The following SPMIP6 variants were observed in gnomAD, a reference collection of about 807,000 sequenced individuals.
SPMIP6 encodes the protein ciliated bronchial epithelial protein 1.
chr9:34,396,841 G>C, the SPMIP6 span, among the ~76,000 whole-genome samples: 9 of 152,250 alleles, frequency 5.9e-5, no homozygotes, highest in South Asian at 1.9e-3. Context: ...GGCAAGGGCT[G>C]GCCCTTCCCT....
the SPMIP6 span, chr9:34,379,532 C>G: frequency 5.4e-6 from 5 of 925,332 alleles, no homozygotes; most frequent in Non-Finnish European, 8.8e-6. The surrounding 1 kb of genome is among the most constrained non-coding windows in gnomAD (Gnocchi z 4.2). Flanking sequence ...TGGTATGTGC[C>G]TGTCAGTGCA....
At chr9:34,379,723 A>G in the SPMIP6 span, 2 of 1,613,882 alleles carry the variant, frequency 1.2e-6, no homozygotes, top group Non-Finnish European at 1.7e-6. The surrounding 1 kb of genome is among the most constrained non-coding windows in gnomAD (Gnocchi z 4.2). Context: ...GCTCGTAGGG[A>G]GGTACACATC....
chr9:34,379,927 G>A, the SPMIP6 span, among the ~76,000 whole-genome samples: 2 of 152,042 alleles, frequency 1.3e-5, no homozygotes, highest in Admixed American at 1.3e-4. This position sits in a 1 kb window ranked among gnomAD's most constrained non-coding sequence, Gnocchi z 4.2. Context: ...CTCCCTCCCG[G>A]CAAGGCCTCA....
At chr9:34,386,325 G>T in the SPMIP6 span, among the ~76,000 whole-genome samples, 8 of 152,204 alleles carry the variant, frequency 5.3e-5, no homozygotes, top group Non-Finnish European at 8.8e-5. Flanking sequence ...GCTGGGCGTG[G>T]TGACTCACAC....
chr9:34,381,276 C>T, the SPMIP6 span: 4 of 1,598,606 alleles, frequency 2.5e-6, no homozygotes, highest in Non-Finnish European at 3.4e-6. This position sits in a 1 kb window ranked among gnomAD's most constrained non-coding sequence, Gnocchi z 4.4. Context: ...CCTCGGCCTC[C>T]TCCCCGTCCT....
chr9:34,394,394 A>T, the SPMIP6 span, among the ~76,000 whole-genome samples: 13 of 152,258 alleles, frequency 8.5e-5, no homozygotes. Flanking sequence ...TGACCTCATG[A>T]TCCACCCACC....
At chr9:34,394,261 T>C in the SPMIP6 span, among the ~76,000 whole-genome samples, 2 of 152,220 alleles carry the variant, frequency 1.3e-5, no homozygotes, top group African/African-American at 4.8e-5. Context: ...GTTCACACCA[T>C]TCTCCTGCCT....
the SPMIP6 span, chr9:34,397,531 A>C: frequency 6.2e-7 from 1 of 1,614,140 alleles, no homozygotes; most frequent in Non-Finnish European, 8.5e-7. Flanking sequence ...TCCCAGGCAC[A>C]CAGGGGTGGG....
the SPMIP6 span, among the ~76,000 whole-genome samples, chr9:34,386,747 G>A: frequency 6.6e-6 from 1 of 152,150 alleles, no homozygotes; most frequent in Non-Finnish European, 1.5e-5. Flanking sequence ...CAGGCCCTGG[G>A]CCCCTGTGCT....
At chr9:34,383,391 G>A in the SPMIP6 span, among the ~76,000 whole-genome samples, 5 of 152,188 alleles carry the variant, frequency 3.3e-5, no homozygotes, top group African/African-American at 1.2e-4. Flanking sequence ...GGCATGGTTG[G>A]TGTGCGCCTG....
At chr9:34,386,664 G>C in the SPMIP6 span, among the ~76,000 whole-genome samples, 1 of 151,764 alleles carries the variant, frequency 6.6e-6, no homozygotes, top group Non-Finnish European at 1.5e-5. Context: ...CCTGACACCA[G>C]TGTTGCCTTT....
the SPMIP6 span, chr9:34,381,562 G>T: frequency 6.5e-7 from 1 of 1,530,526 alleles, no homozygotes; most frequent in Non-Finnish European, 8.8e-7. This position sits in a 1 kb window ranked among gnomAD's most constrained non-coding sequence, Gnocchi z 4.4. Context: ...CCCTTCAGCA[G>T]CTCCCCACCT....
At chr9:34,382,953 G>A in the SPMIP6 span, 14 of 953,018 alleles carry the variant, frequency 1.5e-5, no homozygotes, top group Admixed American at 5.2e-5. Flanking sequence ...TTTCTCTTCC[G>A]ATTCCCAGCA....
chr9:34,380,540 G>A, the SPMIP6 span, among the ~76,000 whole-genome samples: 16 of 152,302 alleles, frequency 1.1e-4, no homozygotes, highest in East Asian at 2.7e-3. Flanking sequence ...CAGGAAAGGG[G>A]GCAGGGCCAA....
At chr9:34,379,097 A>C in the SPMIP6 span, 3 of 1,610,380 alleles carry the variant, frequency 1.9e-6, no homozygotes, top group Non-Finnish European at 2.5e-6. The surrounding 1 kb of genome is among the most constrained non-coding windows in gnomAD (Gnocchi z 4.2). Flanking sequence ...GATAGTCGGG[A>C]TAGGTCTCAG....
At chr9:34,379,024 G>T in the SPMIP6 span, 1 of 1,078,580 alleles carries the variant, frequency 9.3e-7, no homozygotes, top group Non-Finnish European at 1.4e-6. This position sits in a 1 kb window ranked among gnomAD's most constrained non-coding sequence, Gnocchi z 4.2. Context: ...CAGGCTTTGG[G>T]GTTGAAGAGT....
the SPMIP6 span, among the ~76,000 whole-genome samples, chr9:34,388,932 CTT>C: frequency 1.7e-4 from 19 of 109,804 alleles, no homozygotes; most frequent in Admixed American, 3.1e-4. Flanking sequence ...CTCTCTCTTT[CTT>C]TTTTTTTTTT....
chr9:34,379,324 T>C, the SPMIP6 span: 1 of 648,996 alleles, frequency 1.5e-6, no homozygotes. This position sits in a 1 kb window ranked among gnomAD's most constrained non-coding sequence, Gnocchi z 4.2. Flanking sequence ...TGACCTTAGG[T>C]TCTACTGTTA....
chr9:34,386,480 G>A, the SPMIP6 span, among the ~76,000 whole-genome samples: 1 of 151,622 alleles, frequency 6.6e-6, no homozygotes, highest in Non-Finnish European at 1.5e-5. Context: ...TATAGTCCCA[G>A]CTACTCGGGA....
Sources: gnomAD v4.1 joint callset for allele counts (sites outside exome capture counted in the v4.1 genomes callset) on GRCh38, gnomAD v4.1.1 for gene constraint, Gnocchi (gnomAD v3.1) non-coding constraint, MANE v1.5 for transcripts, NCBI Gene and HGNC (gene_info 2026-07-23, HGNC 2026-07-21) for gene names.